Variants in CNGA1 observed in about 807,000 individuals in gnomAD.
CNGA1 encodes cyclic nucleotide-gated channel alpha-1.
CNGA1 carries 53 observed loss-of-function variants against 69.7 expected under a neutral mutation model. The ratio of observed to expected loss-of-function variants is 0.76; its 90% CI spans 0.61 to 0.96. The LOEUF (loss-of-function observed/expected upper bound fraction) is 0.96. CNGA1 is among the 40% of genes least tolerant of loss of function. The probability of loss-of-function intolerance (pLI) is 0.00; values close to 1 mark genes in which losing one functional copy is unlikely to be tolerated. For synonymous variants in CNGA1, 249 were observed against 283.5 expected, an observed-to-expected ratio of 0.88 and a Z score of 1.22; for missense variants, 739 against 811.2, an observed-to-expected ratio of 0.91 and a Z score of 1.08.
intron 2 of CNGA1, among the ~76,000 whole-genome samples, chr4:48,002,499 G>A (rs1412758290): frequency 1.3e-5 from 2 of 151,948 alleles, no homozygotes; most frequent in African/African-American, 2.4e-5. Flanking sequence ...CTTAGGTCAG[G>A]GGTTTTTCAA....
chr4:47,979,173 T>A (rs1230199025), intron 3 of CNGA1, among the ~76,000 whole-genome samples: 1 of 151,680 alleles, frequency 6.6e-6, no homozygotes, highest in African/African-American at 2.4e-5. Flanking sequence ...ATACAAAAAT[T>A]CGCTGAGTGA....
intron 3 of CNGA1, among the ~76,000 whole-genome samples, chr4:47,956,977 A>T (rs1740130327): frequency 6.6e-6 from 1 of 152,090 alleles, no homozygotes; most frequent in Admixed American, 6.5e-5. Context: ...TCTGTCACCC[A>T]GGCTGGAGTG....
At chr4:47,954,794 G>T (rs1357919522) in intron 3 of CNGA1, among the ~76,000 whole-genome samples, 1 of 152,180 alleles carries the variant, frequency 6.6e-6, no homozygotes, top group Non-Finnish European at 1.5e-5. Context: ...AAAACCTTAC[G>T]AGCCTTTTTG....
intron 1 of CNGA1, among the ~76,000 whole-genome samples, chr4:48,013,217 C>T (rs1363599788): frequency 6.6e-6 from 1 of 152,116 alleles, no homozygotes; most frequent in East Asian, 1.9e-4. Context: ...AAGAGGTTTG[C>T]CAAAGGTCAG....
chr4:48,013,585 C>T (rs1389119816), intron 1 of CNGA1, among the ~76,000 whole-genome samples: 2 of 152,134 alleles, frequency 1.3e-5, no homozygotes, highest in Non-Finnish European at 2.9e-5. Context: ...ACTAGCCTCT[C>T]CAAAGGAGGC....
intron 2 of CNGA1, among the ~76,000 whole-genome samples, chr4:47,986,058 C>A (rs1483242273): frequency 6.6e-6 from 1 of 152,158 alleles, no homozygotes; most frequent in Non-Finnish European, 1.5e-5. Flanking sequence ...TTGCTGAGGG[C>A]TTAACTGTAC....
At position 47,937,279 on chromosome 4, in the gene CNGA1, T is replaced by A. The variant is rs748574153; in HGVS notation, c.1203A>T (p.Ala401=). 1 of 1,614,068 alleles carries A rather than the reference T, an allele frequency of 6.2e-7. No individual in the cohort carries two copies. The highest frequency in any genetic ancestry group is 1.7e-5 in the Admixed American group (1 of 60,022). Reference sequence around the variant, plus strand: ...TTCTTGCTTGAAATTCTGCTCTGGCTGCATTCATGTTGGAAATCATAGAAC... The same window carrying A: ...TTCTTGCTTGAAATTCTGCTCTGGCAGCATTCATGTTGGAAATCATAGAAC... ...NIGSMISNMN[A]ARAEFQARID... The change falls in exon 11 of 11, where the codon GCA becomes GCT. Residue 401 remains alanine (A), a synonymous_variant. Coordinates refer to ENST00000514170, the MANE Select transcript of CNGA1 (RefSeq NM_001379270.1).
At chr4:47,974,068 C>CTAGA (rs66992308) in intron 3 of CNGA1, among the ~76,000 whole-genome samples, 9,070 of 137,872 alleles carry the variant, frequency 0.066, 289 homozygotes, top group Admixed American at 0.075. Context: ...AACCTGGTCT[C>CTAGA]TAGATAGATA....
intron 6 of CNGA1, among the ~76,000 whole-genome samples, chr4:47,947,348 A>G (rs918090345): frequency 1.3e-5 from 2 of 152,180 alleles, no homozygotes; most frequent in African/African-American, 4.8e-5. Flanking sequence ...CACAGCTTCA[A>G]GCAGTATACA....
At chr4:48,005,066 T>C (rs1412733112) in intron 2 of CNGA1, among the ~76,000 whole-genome samples, 1 of 152,138 alleles carries the variant, frequency 6.6e-6, no homozygotes, top group Non-Finnish European at 1.5e-5. Flanking sequence ...TTCCCATTTT[T>C]ACTAAAGACA....
intron 1 of CNGA1, among the ~76,000 whole-genome samples, chr4:48,014,876 G>A (rs1313056351): frequency 1.3e-5 from 2 of 152,116 alleles, no homozygotes; most frequent in African/African-American, 2.4e-5. Flanking sequence ...CGTTTAAATA[G>A]AAGTCTAAGT....
intron 10 of CNGA1, among the ~76,000 whole-genome samples, chr4:47,939,382 G>A (rs973723893): frequency 1.3e-5 from 2 of 152,160 alleles, no homozygotes; most frequent in South Asian, 2.1e-4. Flanking sequence ...GACTCTTCCC[G>A]ACTTTGCCCT....
At chr4:47,941,060 A>T (rs1739047998) in intron 9 of CNGA1, among the ~76,000 whole-genome samples, 191 bp from the exon 10 acceptor site, 1 of 152,194 alleles carries the variant, frequency 6.6e-6, no homozygotes, top group African/African-American at 2.4e-5. Context: ...CGATCCTCAC[A>T]CTTCTGAATT....
intron 2 of CNGA1, among the ~76,000 whole-genome samples, chr4:47,986,980 T>C (rs764375018): frequency 0.18 from 21,286 of 117,984 alleles, 1,799 homozygotes; most frequent in Middle Eastern, 0.23. Context: ...GAGTATTGTG[T>C]TGTGTTGTGT....
intron 6 of CNGA1, among the ~76,000 whole-genome samples, chr4:47,948,618 A>T (rs1332836075): frequency 6.6e-6 from 1 of 152,224 alleles, no homozygotes; most frequent in Non-Finnish European, 1.5e-5. Context: ...CATGCCCAAC[A>T]GGCAAGGAAG....
Position 47,936,713 on chromosome 4 carries a change from A to C in CNGA1, c.1769T>G (p.Met590Arg), listed in dbSNP as rs766717829. Residue 590 changes from methionine (M) to arginine (R), a missense_variant, in exon 11 of 11, where the codon ATG becomes AGG. By Grantham distance (91) the Met-to-Arg change is moderately conservative (BLOSUM62 -1). Transcript: ENST00000514170. ...ALTEYPDAKT[M>R]LEEKGKQILM... ...AATCTGCTTCCCTTTCTCTTCCAGC[A>C]TAGTTTTGGCATCTGGGTACTCAGT... 6.2e-7 allele frequency: 1 copy of C among 1,614,176 alleles called. No individual in the cohort carries two copies. Among genetic ancestry groups the C allele is most frequent in the South Asian group, 1.1e-5 (1 of 91,080 alleles).
intron 2 of CNGA1, among the ~76,000 whole-genome samples, chr4:48,003,516 G>C (rs112083200): frequency 1.3e-5 from 2 of 152,004 alleles, no homozygotes; most frequent in Non-Finnish European, 2.9e-5. Flanking sequence ...GACACGAGCT[G>C]TTCCAGTATA....
rs529295390 is a variant in CNGA1 at position 48,005,338 on chromosome 4, G to C, written c.-123+5456C>G. ...TCTCCATCTTGGCCAGGCTGGTCTC[G>C]AACTCCTGAACTCATGATCCATCCA... is the stretch of plus-strand genomic sequence containing the variant. On this transcript the variant is annotated intron_variant, in intron 2 of 10. Coordinates refer to ENST00000514170, the MANE Select transcript of CNGA1 (RefSeq NM_001379270.1). 1.1e-3 allele frequency among the ~76,000 whole-genome samples: 160 copies of C among 152,032 alleles called. 2 individuals carry two copies. Among genetic ancestry groups the C allele is most frequent in the African/African-American group, 3.8e-3 (158 of 41,466 alleles).
chr4:48,003,590 T>A (rs1260556428), intron 2 of CNGA1, among the ~76,000 whole-genome samples: 2 of 152,192 alleles, frequency 1.3e-5, no homozygotes, highest in Non-Finnish European at 2.9e-5. Context: ...TATATGAATA[T>A]TATTAATCAT....
Sources: gnomAD v4.1 joint callset for allele counts (sites outside exome capture counted in the v4.1 genomes callset) on GRCh38, gnomAD v4.1.1 for gene constraint, MANE v1.5 for transcripts, NCBI Gene and HGNC (gene_info 2026-07-23, HGNC 2026-07-21) for gene names.